CNTN5: variants seen among roughly 807,000 people sequenced by gnomAD.
The protein encoded by CNTN5 is contactin 5.
A neutral mutation model predicts 129.1 loss-of-function variants in CNTN5; 77 were observed. That is an observed-to-expected ratio of 0.60 (90% CI 0.50 to 0.72). The LOEUF (loss-of-function observed/expected upper bound fraction) is 0.72. Among genes scored for constraint, CNTN5 ranks in the 30% least tolerant of loss-of-function variants. The pLI, the probability that CNTN5 is intolerant of heterozygous loss-of-function variation, is 0.00. For missense variants in CNTN5, 1,478 were observed against 1,328.8 expected, an observed-to-expected ratio of 1.11 and a Z score of -1.75; for synonymous variants, 509 against 465.6, an observed-to-expected ratio of 1.09 and a Z score of -1.20.
chr11:99,269,243 A>T (rs1427019300), intron 1 of CNTN5, among the ~76,000 whole-genome samples: 1 of 151,850 alleles, frequency 6.6e-6, no homozygotes, highest in African/African-American at 2.4e-5. Context: ...TTGTTTTTAA[A>T]ATAGAAGGAT....
intron 6 of CNTN5, among the ~76,000 whole-genome samples, chr11:99,850,289 A>G (rs1947831416): frequency 1.3e-5 from 2 of 152,092 alleles, no homozygotes; most frequent in South Asian, 4.1e-4. Flanking sequence ...AGAAAGCTAC[A>G]TTTTCTAAAT....
intron 15 of CNTN5, among the ~76,000 whole-genome samples, chr11:100,218,753 C>T (rs560392922): frequency 3.9e-5 from 6 of 152,184 alleles, no homozygotes; most frequent in African/African-American, 1.4e-4. Flanking sequence ...TGGGGAACTG[C>T]TTGAAGGTTC....
chr11:99,222,827 C>T (rs1308050261), intron 1 of CNTN5, among the ~76,000 whole-genome samples: 3 of 152,100 alleles, frequency 2.0e-5, no homozygotes, highest in Non-Finnish European at 4.4e-5. Flanking sequence ...TGTCTAGTCG[C>T]CATTCTTAAT....
chr11:99,154,170 C>G (rs2135496069), intron 1 of CNTN5, among the ~76,000 whole-genome samples: 1 of 152,256 alleles, frequency 6.6e-6, no homozygotes, highest in East Asian at 1.9e-4. Context: ...AAGCACATTT[C>G]CTGTGGTGGG....
At chr11:99,804,657 G>T (rs983349106) in intron 3 of CNTN5, among the ~76,000 whole-genome samples, 1 of 150,824 alleles carries the variant, frequency 6.6e-6, no homozygotes, top group African/African-American at 2.4e-5. Context: ...CCCCTTAATC[G>T]TTAGCTAATA....
At chr11:100,164,957 T>C (rs1845983630) in intron 13 of CNTN5, among the ~76,000 whole-genome samples, 1 of 151,836 alleles carries the variant, frequency 6.6e-6, no homozygotes, top group Admixed American at 6.6e-5. Flanking sequence ...AAATATTGTA[T>C]AAATGTATAT....
At chr11:99,204,744 A>C (rs1414410480) in intron 1 of CNTN5, among the ~76,000 whole-genome samples, 2 of 152,198 alleles carry the variant, frequency 1.3e-5, no homozygotes, top group Non-Finnish European at 2.9e-5. Flanking sequence ...AATGGCCTTC[A>C]GTGAGGTTTG....
intron 9 of CNTN5, among the ~76,000 whole-genome samples, chr11:100,049,578 T>A (rs1226512087): frequency 6.6e-6 from 1 of 151,902 alleles, no homozygotes; most frequent in Non-Finnish European, 1.5e-5. Flanking sequence ...TCAGACTAGG[T>A]TGAAAACACC....
intron 16 of CNTN5, among the ~76,000 whole-genome samples, chr11:100,230,439 G>A (rs1333658984): frequency 1.3e-5 from 2 of 152,066 alleles, no homozygotes; most frequent in Non-Finnish European, 2.9e-5. Context: ...ATGGTTGCTT[G>A]CTAACCTGTA....
intron 1 of CNTN5, among the ~76,000 whole-genome samples, chr11:99,182,059 A>G (rs1425560163): frequency 6.6e-6 from 1 of 152,150 alleles, no homozygotes; most frequent in East Asian, 1.9e-4. Flanking sequence ...TCCACATTCA[A>G]GTTTGCAGTT....
intron 3 of CNTN5, among the ~76,000 whole-genome samples, chr11:99,804,897 A>T (rs2135494136): frequency 6.6e-6 from 1 of 151,322 alleles, no homozygotes; most frequent in Non-Finnish European, 1.5e-5. Context: ...CACCAACATT[A>T]CATTTTTATA....
At chr11:100,266,162 G>A (rs183258574) in intron 17 of CNTN5, among the ~76,000 whole-genome samples, 1 of 152,146 alleles carries the variant, frequency 6.6e-6, no homozygotes, top group Admixed American at 6.5e-5. Flanking sequence ...ACATCCTGAG[G>A]TGGGAGGATC....
chr11:99,562,719 A>C (rs909263642), intron 3 of CNTN5, among the ~76,000 whole-genome samples: 11 of 152,180 alleles, frequency 7.2e-5, no homozygotes, highest in Non-Finnish European at 1.0e-4. Flanking sequence ...TTAGTAATTG[A>C]TTAAATATTT....
chr11:99,877,038 G>A (rs1948651686), intron 6 of CNTN5, among the ~76,000 whole-genome samples: 1 of 152,156 alleles, frequency 6.6e-6, no homozygotes, highest in Non-Finnish European at 1.5e-5. Context: ...AGAGCTGTAG[G>A]AGTGATAATT....
intron 2 of CNTN5, among the ~76,000 whole-genome samples, chr11:99,339,372 T>A (rs1337509075): frequency 6.6e-6 from 1 of 152,126 alleles, no homozygotes; most frequent in Non-Finnish European, 1.5e-5. Context: ...CTTTCGTTTT[T>A]CTGGGAGATT....
At chr11:100,015,151 G>A (rs1940755807) in intron 9 of CNTN5, among the ~76,000 whole-genome samples, 1 of 152,100 alleles carries the variant, frequency 6.6e-6, no homozygotes, top group Non-Finnish European at 1.5e-5. Flanking sequence ...TCAAGGGGAA[G>A]CACGAATAAA....
intron 1 of CNTN5, among the ~76,000 whole-genome samples, chr11:99,260,911 G>A (rs547654158): frequency 1.7e-4 from 26 of 151,958 alleles, no homozygotes; most frequent in Middle Eastern, 3.4e-3. Context: ...CAAACTCTTC[G>A]GAAGCAAGAT....
intron 13 of CNTN5, among the ~76,000 whole-genome samples, chr11:100,127,407 A>G (rs1193828276): frequency 1.3e-5 from 2 of 151,982 alleles, no homozygotes; most frequent in Non-Finnish European, 2.9e-5. Flanking sequence ...TTTTCATCAT[A>G]GTTTTTAATG....
chr11:100,067,020 C>T lies in CNTN5; in HGVS notation c.1163-3404C>T, dbSNP rs1412615808. On this transcript the variant is annotated intron_variant, in intron 10 of 24. Coordinates refer to ENST00000524871, the MANE Select transcript of CNTN5 (RefSeq NM_014361.4). ...TTATTTTAAAAATTTTACCACTGCC[C>T]TTTCACATAATGTTTTTTGCCTCGG... Among the ~76,000 whole-genome samples the T allele has an allele frequency of 2.6e-5, 4 of 151,890 alleles. No individual in the cohort carries two copies. The East Asian group carries it at 7.7e-4, about 29-fold the overall frequency.
Sources: gnomAD v4.1 joint callset for allele counts (sites outside exome capture counted in the v4.1 genomes callset) on GRCh38, gnomAD v4.1.1 for gene constraint, MANE v1.5 for transcripts, NCBI Gene and HGNC (gene_info 2026-07-23, HGNC 2026-07-21) for gene names.